MAP3K13: variants seen among roughly 807,000 people sequenced by gnomAD.
MAP3K13 encodes mitogen-activated protein kinase kinase kinase 13.
MAP3K13 carries 52 observed loss-of-function variants against 104.0 expected under a neutral mutation model. That is an observed-to-expected ratio of 0.50 (90% CI 0.40 to 0.63). The LOEUF (loss-of-function observed/expected upper bound fraction) is 0.63, where lower values mean the gene tolerates loss of function less well. MAP3K13 is among the 20% of genes least tolerant of loss of function. The pLI is 0.00. For missense variants in MAP3K13, 914 were observed against 1,218.5 expected (o/e 0.75, Z 3.72); for synonymous variants, 394 against 442.2 (o/e 0.89, Z 1.37).
At chr3:185,421,711 G>A (rs777406181) in intron 1 of MAP3K13, among the ~76,000 whole-genome samples, 5 of 152,148 alleles carry the variant, frequency 3.3e-5, no homozygotes, top group Non-Finnish European at 5.9e-5. Context: ...ATTTGCACAG[G>A]GAGAGAGGAA....
chr3:185,323,533 G>T (rs1721940112), intron 2 of MAP3K13, among the ~76,000 whole-genome samples: 1 of 151,872 alleles, frequency 6.6e-6, no homozygotes. Context: ...GGGTTTTTCA[G>T]TGTAGGTCAG....
chr3:185,395,524 A>C, intron 1 of MAP3K13, among the ~76,000 whole-genome samples: 1 of 125,508 alleles, frequency 8.0e-6, no homozygotes, highest in African/African-American at 3.0e-5. Context: ...ACGCCCGGCT[A>C]ATTTTTTGTA....
Position 185,288,502 on chromosome 3 carries a change from G to T in MAP3K13, c.-86+2859G>T, listed in dbSNP as rs146981681. Among the ~76,000 whole-genome samples, 1,224 of 129,278 alleles carry T rather than the reference G, an allele frequency of 9.5e-3. 7 individuals are homozygous for T. The highest frequency in any genetic ancestry group is 0.016 in the Middle Eastern group (4 of 252). The allele number at this position is 129,278 out of a possible 152,430, so 84.8% of individuals were successfully genotyped here. ...AAATATATGTGTGTGTATATATATA[G>T]AGAGAGAAAAAGAGAATATGTGTGT... On this transcript the variant is annotated intron_variant, in intron 2 of 14. Transcript: ENST00000424227.
chr3:185,483,123 C>T lies in MAP3K13; in HGVS notation c.*667C>T, dbSNP rs1285233524. On this transcript the variant is annotated 3_prime_UTR_variant, in exon 14 of 14. Coordinates refer to ENST00000265026, the MANE Select transcript of MAP3K13 (RefSeq NM_004721.5). ...ACCAGATACTTGCACCCAATGTCTT[C>T]AAGGGCATGTGCTTCCTCTAGGAGG... 4.3e-6 allele frequency: 1 copy of T among 233,028 alleles called. No homozygotes were observed. The highest frequency in any genetic ancestry group is 5.6e-5 in the Admixed American group (1 of 17,774). 14.4% of individuals were successfully genotyped at this position (233,028 alleles called of 1,614,324 possible).
At chr3:185,394,548 T>A (rs1361369046) in intron 1 of MAP3K13, among the ~76,000 whole-genome samples, 1 of 152,210 alleles carries the variant, frequency 6.6e-6, no homozygotes, top group Non-Finnish European at 1.5e-5. Flanking sequence ...TTCAAGGGCT[T>A]ACCCCAGATC....
At chr3:185,384,705 G>A (rs1272158776) in intron 1 of MAP3K13, among the ~76,000 whole-genome samples, 1 of 152,124 alleles carries the variant, frequency 6.6e-6, no homozygotes, top group Non-Finnish European at 1.5e-5. Context: ...GGTAGTTAGT[G>A]ATGCTGAGCA....
intron 1 of MAP3K13, among the ~76,000 whole-genome samples, chr3:185,395,500 A>G (rs1293505584): frequency 8.8e-6 from 1 of 114,200 alleles, no homozygotes; most frequent in South Asian, 3.4e-4. Flanking sequence ...CTGGGACTAC[A>G]GGCACCCGCC....
chr3:185,300,156 G>A (rs1721050259), intron 2 of MAP3K13, among the ~76,000 whole-genome samples: 1 of 149,858 alleles, frequency 6.7e-6, no homozygotes, highest in South Asian at 2.1e-4. Context: ...GAGTTCATCT[G>A]TGTTGTAGCA....
At chr3:185,380,940 G>T (rs1035716006) in intron 1 of MAP3K13, among the ~76,000 whole-genome samples, 3 of 142,906 alleles carry the variant, frequency 2.1e-5, no homozygotes, top group East Asian at 4.0e-4. Flanking sequence ...GAGGAAGAAG[G>T]TTTTTTTGTT....
intron 2 of MAP3K13, among the ~76,000 whole-genome samples, chr3:185,435,930 C>T (rs983163953): frequency 6.6e-6 from 1 of 152,120 alleles, no homozygotes; most frequent in Non-Finnish European, 1.5e-5. Flanking sequence ...TACTTTGTTC[C>T]ATGTTCTGCA....
chr3:185,348,050 A>G (rs939125387), intron 2 of MAP3K13, among the ~76,000 whole-genome samples: 2 of 152,034 alleles, frequency 1.3e-5, no homozygotes, highest in Non-Finnish European at 2.9e-5. Context: ...AGAAAAAGAA[A>G]TATAAATGTA....
At chr3:185,403,936 C>T (rs1326826220) in intron 1 of MAP3K13, among the ~76,000 whole-genome samples, 1 of 152,204 alleles carries the variant, frequency 6.6e-6, no homozygotes, top group East Asian at 1.9e-4. Context: ...TCCTTCCTTT[C>T]CTTTTACTTT....
intron 1 of MAP3K13, among the ~76,000 whole-genome samples, chr3:185,395,569 G>A (rs1216342425): frequency 4.0e-5 from 6 of 148,910 alleles, no homozygotes; most frequent in Admixed American, 2.7e-4. Context: ...CGTTTTAGCC[G>A]GGATGGTCTC....
At chr3:185,391,591 CA>C (rs2108768411) in intron 1 of MAP3K13, among the ~76,000 whole-genome samples, 2 of 152,282 alleles carry the variant, frequency 1.3e-5, no homozygotes, top group East Asian at 3.9e-4. Flanking sequence ...CTGTTTTCTA[CA>C]TTTATTCTAA....
At chr3:185,427,976 G>A (rs1331994887) in intron 1 of MAP3K13, among the ~76,000 whole-genome samples, 3 of 151,934 alleles carry the variant, frequency 2.0e-5, no homozygotes, top group Non-Finnish European at 2.9e-5. Context: ...CTACTTGGGA[G>A]GCTGAGGCAG....
intron 4 of MAP3K13, among the ~76,000 whole-genome samples, chr3:185,446,437 C>T (rs1349978731): frequency 1.3e-5 from 2 of 152,054 alleles, no homozygotes; most frequent in Non-Finnish European, 2.9e-5. Context: ...CATCATTAAA[C>T]ATAGGTCCCT....
At chr3:185,449,163 G>A (rs925028563) in intron 5 of MAP3K13, among the ~76,000 whole-genome samples, 3 of 152,050 alleles carry the variant, frequency 2.0e-5, no homozygotes, top group Admixed American at 6.6e-5. Context: ...CTTGAGGTCA[G>A]GAGTTCGAGA....
chr3:185,481,815 T>C lies in MAP3K13; in HGVS notation c.2800-540T>C, dbSNP rs556229781. ...ATAAAGTACTTACCACCGGGCGCAG[T>C]GGCTCATGCCTGTAATCCCAGCACT... is the stretch of plus-strand genomic sequence containing the variant. On this transcript the variant is annotated intron_variant, in intron 13 of 13. Transcript: ENST00000265026. Among the ~76,000 whole-genome samples, 270 of 152,368 alleles carry C rather than the reference T, an allele frequency of 1.8e-3. 1 individual carries two copies. The highest frequency in any genetic ancestry group is 6.3e-3 in the African/African-American group (261 of 41,594).
At position 185,473,384 on chromosome 3, in the gene MAP3K13, A is replaced by G; in HGVS notation, c.2053A>G (p.Asn685Asp). Reference protein sequence around the residue: ...PAAALRSPLSNHAQRQLPGSS... With the variant: ...PAAALRSPLSDHAQRQLPGSS... ...AGCAGCCCTGCGGAGCCCACTCAGCAACCATGCTCAGAGACAGCTGCCCGG... is the reference window on the plus strand; with the variant it reads ...AGCAGCCCTGCGGAGCCCACTCAGCGACCATGCTCAGAGACAGCTGCCCGG... Residue 685 changes from asparagine (N) to aspartate (D), a missense_variant, in exon 11 of 14, where the codon AAC becomes GAC. Asn to Asp is a conservative substitution (Grantham distance 23, BLOSUM62 1). This residue lies in a region of MAP3K13 where 583 missense variants were observed against 737.4 expected (regional missense o/e 0.79). Coordinates refer to ENST00000265026, the MANE Select transcript of MAP3K13 (RefSeq NM_004721.5). The surrounding 1 kb of genome is among the most constrained non-coding windows in gnomAD (Gnocchi z 4.9). 1 of 1,614,220 alleles carries G rather than the reference A, an allele frequency of 6.2e-7. No homozygotes were observed. The highest frequency in any genetic ancestry group is 8.5e-7 in the Non-Finnish European group (1 of 1,180,036).
Sources: gnomAD v4.1 joint callset for allele counts (sites outside exome capture counted in the v4.1 genomes callset) on GRCh38, gnomAD v4.1.1 for gene constraint, gnomAD v4.1.1 regional missense constraint, Gnocchi (gnomAD v3.1) non-coding constraint, MANE v1.5 for transcripts, NCBI Gene and HGNC (gene_info 2026-07-23, HGNC 2026-07-21) for gene names.